The following SOCS5 variants were observed in gnomAD, a reference collection of about 807,000 sequenced individuals.
SOCS5 encodes suppressor of cytokine signaling 5, also known as CIS-6.
SOCS5 carries 32 observed loss-of-function variants against 42.8 expected under a neutral mutation model. The ratio of observed to expected loss-of-function variants is 0.75; its 90% confidence interval spans 0.56 to 1.01. The LOEUF is 1.01. Among genes scored for constraint, SOCS5 ranks in the 50% least tolerant of loss-of-function variants. The pLI is 0.00. For synonymous variants in SOCS5, 283 were observed against 229.6 expected (o/e 1.23, Z -2.10); for missense variants, 627 against 653.0 (o/e 0.96, Z 0.43).
intron 1 of SOCS5, among the ~76,000 whole-genome samples, chr2:46,706,272 C>A (rs1672461182): frequency 6.6e-6 from 1 of 152,092 alleles, no homozygotes; most frequent in Non-Finnish European, 1.5e-5. Context: ...AGTGACTTTC[C>A]CAAGTCAGCC....
rs1558396443 is a variant in SOCS5, at chr2:46,699,677, G to A, written c.-13+228G>A. Among the ~76,000 whole-genome samples the A allele has an allele frequency of 6.6e-6, 1 of 152,192 alleles. No individual in the cohort carries two copies. Among genetic ancestry groups the A allele is most frequent in the Non-Finnish European group, 1.5e-5 (1 of 68,022 alleles). ...CCCCGTGCAGACCACGCCGCTCACAGTGGGAGCTTGCGCTTAGTAGGCTCT... is the reference window on the plus strand; with the variant it reads ...CCCCGTGCAGACCACGCCGCTCACAATGGGAGCTTGCGCTTAGTAGGCTCT... On this transcript the variant is annotated intron_variant, in intron 1 of 1. Coordinates refer to ENST00000394861, the MANE Select transcript of SOCS5 (RefSeq NM_144949.3). This position sits in a 1 kb window ranked among gnomAD's most constrained non-coding sequence, Gnocchi z 4.8.
intron 1 of SOCS5, among the ~76,000 whole-genome samples, chr2:46,744,883 G>A (rs187402705): frequency 1.3e-5 from 2 of 150,120 alleles, no homozygotes; most frequent in Admixed American, 6.7e-5. Context: ...TTTCTATTTA[G>A]TGCTTGGGAA....
intron 1 of SOCS5, among the ~76,000 whole-genome samples, chr2:46,708,918 C>T (rs1457130206): frequency 4.5e-5 from 6 of 134,494 alleles, no homozygotes; most frequent in South Asian, 2.3e-4. Context: ...GATAGGGTCT[C>T]GCTCTGTTGC....
At chr2:46,727,332 C>G (rs373204431) in intron 1 of SOCS5, among the ~76,000 whole-genome samples, 8 of 152,108 alleles carry the variant, frequency 5.3e-5, no homozygotes, top group Non-Finnish European at 1.2e-4. Context: ...AATTCAAATA[C>G]TGTGTCATCT....
At chr2:46,714,248 A>G (rs556741504) in intron 1 of SOCS5, among the ~76,000 whole-genome samples, 4 of 152,224 alleles carry the variant, frequency 2.6e-5, no homozygotes, top group South Asian at 2.1e-4. Flanking sequence ...GAAGTTTCCA[A>G]CTGCAGTTTT....
chr2:46,754,808 A>T (rs1165916499), intron 1 of SOCS5, among the ~76,000 whole-genome samples: 1 of 152,210 alleles, frequency 6.6e-6, no homozygotes, highest in Non-Finnish European at 1.5e-5. Context: ...AACAATTAAA[A>T]ATAAATCATT....
At chr2:46,730,487 C>T (rs780440748) in intron 1 of SOCS5, among the ~76,000 whole-genome samples, 1 of 152,056 alleles carries the variant, frequency 6.6e-6, no homozygotes, top group Non-Finnish European at 1.5e-5. Context: ...GTAATCCCAG[C>T]CACTTTGGAG....
intron 1 of SOCS5, among the ~76,000 whole-genome samples, chr2:46,715,880 C>T (rs1314549064): frequency 6.6e-6 from 1 of 151,890 alleles, no homozygotes; most frequent in Non-Finnish European, 1.5e-5. Flanking sequence ...TTTTTTTCTT[C>T]TCAGGTGTCT....
chr2:46,748,636 C>T (rs1225379187), intron 1 of SOCS5, among the ~76,000 whole-genome samples: 1 of 151,958 alleles, frequency 6.6e-6, no homozygotes, highest in African/African-American at 2.4e-5. Context: ...TAAAATTTGG[C>T]ATAGGAGACA....
chr2:46,757,825 C>T (rs1425378806), intron 1 of SOCS5, among the ~76,000 whole-genome samples: 1 of 152,062 alleles, frequency 6.6e-6, no homozygotes, highest in Non-Finnish European at 1.5e-5. Context: ...AAGATCTCAC[C>T]ATTGCACTCC....
At chr2:46,713,882 C>T (rs1159198100) in intron 1 of SOCS5, among the ~76,000 whole-genome samples, 1 of 151,798 alleles carries the variant, frequency 6.6e-6, no homozygotes. Flanking sequence ...TTTTAAATTC[C>T]TCTTGGAATT....
intron 1 of SOCS5, among the ~76,000 whole-genome samples, chr2:46,746,835 A>T (rs898076998): frequency 6.6e-6 from 1 of 151,618 alleles, no homozygotes; most frequent in Non-Finnish European, 1.5e-5. Context: ...TTCTTTTTTA[A>T]GATTCCTTAG....
chr2:46,760,283 C>G lies in SOCS5; in HGVS notation c.*142C>G, dbSNP rs1673837220. 1 of 637,028 alleles carries G rather than the reference C, an allele frequency of 1.6e-6. No homozygotes were observed. Among genetic ancestry groups the G allele is most frequent in the Admixed American group, 3.0e-5 (1 of 33,440 alleles). The allele number at this position is 637,028 out of a possible 1,614,324, so 39.5% of individuals were successfully genotyped here. ...GTTAGTATCTGTCAGATGCTACCTG[C>G]TGTTACTTATTCAGATAAACATGGT... is the stretch of plus-strand genomic sequence containing the variant. On this transcript the variant is annotated 3_prime_UTR_variant, in exon 2 of 2. Transcript: ENST00000394861.
At chr2:46,752,353 A>C (rs1413677971) in intron 1 of SOCS5, among the ~76,000 whole-genome samples, 2 of 151,774 alleles carry the variant, frequency 1.3e-5, no homozygotes, top group African/African-American at 4.8e-5. Flanking sequence ...TCATCCTAAA[A>C]CCTTCCATGA....
chr2:46,707,015 A>G (rs1220406302), intron 1 of SOCS5, among the ~76,000 whole-genome samples: 1 of 152,208 alleles, frequency 6.6e-6, no homozygotes, highest in African/African-American at 2.4e-5. Context: ...TGCTGTACAA[A>G]TGAGGATGGA....
At chr2:46,718,510 T>C (rs1672803989) in intron 1 of SOCS5, among the ~76,000 whole-genome samples, 1 of 152,206 alleles carries the variant, frequency 6.6e-6, no homozygotes, top group African/African-American at 2.4e-5. Flanking sequence ...TTACCAGTTA[T>C]ATGAACATCA....
intron 1 of SOCS5, among the ~76,000 whole-genome samples, chr2:46,746,779 A>G (rs114627446): frequency 0.061 from 9,237 of 151,682 alleles, 306 homozygotes; most frequent in Middle Eastern, 0.13. Flanking sequence ...TTGTGTGTTG[A>G]TCTTGTATCC....
In SOCS5 at chr2:46,758,774, T is replaced by A. The variant is rs142965588; in HGVS notation, c.244T>A (p.Cys82Ser). The change falls in exon 2 of 2, where the codon TGT becomes AGT. Residue 82 changes from cysteine (C) to serine (S), a missense_variant. Cys to Ser is a moderately radical substitution (Grantham distance 112). Around this residue, in one of 3 missense-constraint regions of SOCS5, gnomAD observed 278 missense variants for 246.3 expected, o/e 1.13. Coordinates refer to ENST00000394861, the MANE Select transcript of SOCS5 (RefSeq NM_144949.3). ...GAATTCTTCAAGGAGAAATCAAAATTGTGCCACAGAAATCCCTCAAATTGT... is the reference window on the plus strand; with the variant it reads ...GAATTCTTCAAGGAGAAATCAAAATAGTGCCACAGAAATCCCTCAAATTGT... The part of the protein sequence containing the change: ...SKNSSRRNQN[C>S]ATEIPQIVEI... The A allele has an allele frequency of 6.2e-7, 1 of 1,614,188 alleles. No individual in the cohort carries two copies. Among genetic ancestry groups the A allele is most frequent in the Non-Finnish European group, 8.5e-7 (1 of 1,180,020 alleles).
intron 1 of SOCS5, among the ~76,000 whole-genome samples, chr2:46,747,658 C>T (rs541661085): frequency 1.3e-5 from 2 of 152,148 alleles, no homozygotes; most frequent in African/African-American, 4.8e-5. Context: ...TGTACTTACA[C>T]GTAGTACTCC....
Sources: allele counts gnomAD v4.1 joint callset (sites outside exome capture counted in the v4.1 genomes callset), GRCh38; gene constraint gnomAD v4.1.1; regional missense constraint gnomAD v4.1.1; non-coding constraint Gnocchi (gnomAD v3.1); transcripts MANE v1.5; gene names NCBI Gene and HGNC (gene_info 2026-07-23, HGNC 2026-07-21).